The following LY75 variants were observed in gnomAD, a reference collection of about 807,000 sequenced individuals.
The protein encoded by LY75 is lymphocyte antigen 75, also known as C-type lectin domain family 13 member B.
LY75 carries 185 observed loss-of-function variants against 231.7 expected under a neutral mutation model. The observed-to-expected ratio is 0.80, with a 90% CI of 0.71 to 0.90. The LOEUF is 0.90. LY75 is among the 40% of genes least tolerant of loss of function. The probability of loss-of-function intolerance (pLI) is 0.00; values close to 1 mark genes in which losing one functional copy is unlikely to be tolerated. For missense variants in LY75, 1,947 were observed against 2,050.2 expected, an observed-to-expected ratio of 0.95 and a Z score of 0.97; for synonymous variants, 668 against 689.0, an observed-to-expected ratio of 0.97 and a Z score of 0.48.
intron 8 of LY75, among the ~76,000 whole-genome samples, chr2:159,880,588 C>T (rs1157292474): frequency 6.6e-6 from 1 of 152,180 alleles, no homozygotes; most frequent in Non-Finnish European, 1.5e-5. Context: ...AAGATGCTCT[C>T]AGATAGGATA....
intron 17 of LY75, 36 bp from the exon 18 acceptor site, chr2:159,854,571 T>C (rs1684493994): frequency 1.2e-6 from 2 of 1,600,676 alleles, no homozygotes; most frequent in South Asian, 1.1e-5. Context: ...GAATTATGAC[T>C]ATGCAAAGCA....
At chr2:159,863,494 G>T (rs1684773336) in intron 14 of LY75, among the ~76,000 whole-genome samples, 1 of 152,064 alleles carries the variant, frequency 6.6e-6, no homozygotes, top group South Asian at 2.1e-4. Context: ...TAATCATTCT[G>T]AGAGGTGGGA....
chr2:159,808,374 T>C, intron 33 of LY75, 75 bp downstream of exon 33: 1 of 1,608,538 alleles, frequency 6.2e-7, no homozygotes, highest in East Asian at 2.2e-5. Context: ...TTAACATTCT[T>C]TAGCAAGGAC....
At chr2:159,891,044 A>G (rs1685739933) in intron 3 of LY75, among the ~76,000 whole-genome samples, 1 of 152,182 alleles carries the variant, frequency 6.6e-6, no homozygotes. Context: ...AGAAATAAAA[A>G]TTTCAAAACA....
At chr2:159,894,566 C>G (rs545787865) in intron 2 of LY75, among the ~76,000 whole-genome samples, 2 of 152,286 alleles carry the variant, frequency 1.3e-5, no homozygotes, top group Admixed American at 6.5e-5. Context: ...TTGGAACCAC[C>G]TGCGGCATTA....
At chr2:159,828,032 C>A (rs1683530340) in intron 28 of LY75, among the ~76,000 whole-genome samples, 1 of 151,694 alleles carries the variant, frequency 6.6e-6, no homozygotes, top group Non-Finnish European at 1.5e-5. Context: ...GTGCATCAAA[C>A]CACCATGGCA....
At chr2:159,842,782 AT>A (rs1171936149) in intron 23 of LY75, among the ~76,000 whole-genome samples, 2 of 152,160 alleles carry the variant, frequency 1.3e-5, no homozygotes, top group Non-Finnish European at 2.9e-5. Flanking sequence ...ACTAGTCACT[AT>A]AAAAATCTCC....
intron 14 of LY75, among the ~76,000 whole-genome samples, chr2:159,861,463 T>G (rs932829858): frequency 2.6e-5 from 4 of 152,314 alleles, no homozygotes; most frequent in African/African-American, 9.6e-5. Context: ...TAAGGATACT[T>G]TTGGCCAGGC....
At position 159,814,097 on chromosome 2, in the gene LY75, G is replaced by A. The variant is rs751794411; in HGVS notation, c.4549+1308C>T. On this transcript the variant is annotated intron_variant, in intron 31 of 34. Transcript: ENST00000263636. ...CTGCCGTTCAAGATTCTTCAGAGCA[G>A]AAAACATGGTGAGCATTGAGAACCA... The A allele has an allele frequency of 1.3e-4, 20 of 152,194 alleles. 1 individual carries two copies. Among genetic ancestry groups the A allele is most frequent in the Admixed American group, 4.6e-4 (7 of 15,282 alleles). 9.4% of individuals were successfully genotyped at this position (152,194 alleles called of 1,614,324 possible).
chr2:159,873,523 C>T (rs1000174387), intron 12 of LY75, among the ~76,000 whole-genome samples: 1 of 152,112 alleles, frequency 6.6e-6, no homozygotes, highest in Non-Finnish European at 1.5e-5. Flanking sequence ...CACAGCTGAC[C>T]TGAAGTTGGG....
intron 12 of LY75, 102 bp from the exon 13 acceptor site, chr2:159,872,695 T>G: frequency 1.5e-6 from 2 of 1,334,680 alleles, no homozygotes; most frequent in African/African-American, 1.5e-5. Flanking sequence ...TGAAATGAAT[T>G]CTTAAAGGTG....
intron 22 of LY75, 78 bp from the exon 23 acceptor site, chr2:159,850,218 T>C (rs1684341111): frequency 6.6e-7 from 1 of 1,513,350 alleles, no homozygotes; most frequent in African/African-American, 1.4e-5. Flanking sequence ...GAATATATTT[T>C]GTTTATCTAT....
intron 31 of LY75, among the ~76,000 whole-genome samples, chr2:159,814,997 CTTTTTTT>C (rs3035627): frequency 9.0e-6 from 1 of 111,446 alleles, no homozygotes; most frequent in Non-Finnish European, 1.8e-5. Flanking sequence ...GTGAATACAT[CTTTTTTT>C]TTTTTTTTTT....
intron 29 of LY75, among the ~76,000 whole-genome samples, chr2:159,819,257 A>T (rs1370013496): frequency 6.6e-6 from 1 of 152,208 alleles, no homozygotes; most frequent in African/African-American, 2.4e-5. Context: ...TATATTTAAA[A>T]ATAGATTTAT....
intron 21 of LY75, among the ~76,000 whole-genome samples, chr2:159,851,445 C>T (rs1684399311): frequency 6.6e-6 from 1 of 152,064 alleles, no homozygotes; most frequent in Admixed American, 6.6e-5. Flanking sequence ...TAGAAAAGAC[C>T]CTAGAGAGAA....
chr2:159,854,983 A>C (rs1684507627), intron 16 of LY75, 44 bp from the exon 17 acceptor site: 2 of 1,609,770 alleles, frequency 1.2e-6, no homozygotes, highest in Non-Finnish European at 1.7e-6. Flanking sequence ...TCCATGACAG[A>C]TCAGGGTATA....
chr2:159,867,088 T>G (rs1031119733), intron 13 of LY75, among the ~76,000 whole-genome samples: 2 of 152,186 alleles, frequency 1.3e-5, no homozygotes, highest in Admixed American at 1.3e-4. Flanking sequence ...TTTGCTCGAT[T>G]GTCCAAAATT....
rs1560094285 is a variant in LY75 at position 159,874,850 on chromosome 2, T to TATATATATTTTGTAAATATATGTAA, written c.1974+593_1974+594insTTACATATATTTACAAAATATATAT. Among the ~76,000 whole-genome samples, 17 of 37,310 alleles carry TATATATATTTTGTAAATATATGTAA rather than the reference T, an allele frequency of 4.6e-4. 2 individuals carry two copies. The highest frequency in any genetic ancestry group is 3.4e-3 in the South Asian group (1 of 296). 24.5% of individuals were successfully genotyped at this position (37,310 alleles called of 152,430 possible). A position where few individuals can be genotyped will look rare whatever the true frequency, so the allele number is the denominator to read the frequency against. ...TATATATTTTGTAAATATATGTAAA[T>TATATATATTTTGTAAATATATGTAA]ATATATATATTTTGTAAATATATAT... On this transcript the variant is annotated intron_variant, in intron 12 of 34. Coordinates refer to ENST00000263636, the MANE Select transcript of LY75 (RefSeq NM_002349.4).
intron 31 of LY75, 31 bp from the exon 32 acceptor site, chr2:159,810,706 T>C: frequency 6.3e-7 from 1 of 1,595,146 alleles, no homozygotes. Flanking sequence ...GTTGTAACAA[T>C]GCATGGAAAA....
Sources: allele counts gnomAD v4.1 joint callset (sites outside exome capture counted in the v4.1 genomes callset), GRCh38; gene constraint gnomAD v4.1.1; transcripts MANE v1.5; gene names NCBI Gene and HGNC (gene_info 2026-07-23, HGNC 2026-07-21).